The following TPD52L3 variants were observed in gnomAD, a reference collection of about 807,000 sequenced individuals.
TPD52L3 encodes the protein TPD52 like 3, also known as tumor protein D55.
TPD52L3 carries 12 observed loss-of-function variants against 8.7 expected under a neutral mutation model. The ratio of observed to expected loss-of-function variants is 1.38; its 90% CI spans 0.89 to 2.24. The LOEUF (loss-of-function observed/expected upper bound fraction) is 2.24, where lower values mean the gene tolerates loss of function less well. TPD52L3 is among the 30% of genes most tolerant of loss of function. TPD52L3 has a pLI of 0.00. For synonymous variants in TPD52L3, 79 were observed against 66.8 expected (o/e 1.18, Z -0.89); for missense variants, 207 against 158.7 (o/e 1.30, Z -1.64).
chr9:6,329,465 T>C, intron 1 of TPD52L3: 2 of 1,019,654 alleles, frequency 2.0e-6, no homozygotes, highest in Middle Eastern at 5.1e-4. Context: ...AGAGGGGTCT[T>C]AGGCCAAAGC....
Position 6,328,808 on chromosome 9 carries a change from G to C in TPD52L3, c.213G>C (p.Gly71=). ...AGTTAGGCCTCACCGCCTTGGTAGG[G>C]CTGAGACAGAATCTGTCCAAGAGCT... The part of the protein sequence containing the change: ...KRKLGLTALV[G]LRQNLSKSWL... The change falls in exon 1 of 2, where the codon GGG becomes GGC. Residue 71 remains glycine, a synonymous_variant. Transcript: ENST00000314556. 6.2e-7 allele frequency: 1 copy of C among 1,614,204 alleles called. No homozygotes were observed. Among genetic ancestry groups the C allele is most frequent in the Non-Finnish European group, 8.5e-7 (1 of 1,180,038 alleles).
chr9:6,330,839 C>A, intron 1 of TPD52L3, 137 bp from the exon 2 acceptor site: 1 of 1,447,566 alleles, frequency 6.9e-7, no homozygotes, highest in Non-Finnish European at 9.1e-7. Context: ...TATCATGGGC[C>A]AAACCTGAGA....
In TPD52L3 at chr9:6,329,296, C is replaced by A. The variant is rs1025454937; in HGVS notation, c.367+334C>A. 6.5e-6 allele frequency: 8 copies of A among 1,232,510 alleles called. No individual in the cohort carries two copies. The African/African-American group carries it at 1.2e-4, about 19-fold the overall frequency. 76.3% of individuals were successfully genotyped at this position (1,232,510 alleles called of 1,614,324 possible). A position where few individuals can be genotyped will look rare whatever the true frequency, so the allele number is the denominator to read the frequency against. On this transcript the variant is annotated intron_variant, in intron 1 of 1. Coordinates refer to ENST00000314556, the MANE Select transcript of TPD52L3 (RefSeq NM_001001874.3). Reference sequence around the variant, plus strand: ...TAAAGTGGTTAATTCAGGAAATTGACAGAATCCAGTTTTGAGAAAAGAACA... The same window carrying A: ...TAAAGTGGTTAATTCAGGAAATTGAAAGAATCCAGTTTTGAGAAAAGAACA...
Position 6,328,675 on chromosome 9 carries a change from C to G in TPD52L3, c.80C>G (p.Pro27Arg). ...STSELEDLTE[P>R]EQRELKTKLT... ...TCTGAACTGGAGGATCTGACAGAGC[C>G]CGAGCAAAGAGAGCTCAAAACCAAA... The change falls in exon 1 of 2, where the codon CCC becomes CGC. Residue 27 changes from proline (P) to arginine (R), a missense_variant. Pro to Arg is a moderately radical substitution (Grantham distance 103). Coordinates refer to ENST00000314556, the MANE Select transcript of TPD52L3 (RefSeq NM_001001874.3). 6.2e-7 allele frequency: 1 copy of G among 1,614,106 alleles called. No individual in the cohort carries two copies. Among genetic ancestry groups the G allele is most frequent in the Non-Finnish European group, 8.5e-7 (1 of 1,180,022 alleles).
rs891678830 is a variant in TPD52L3 at position 6,331,158 on chromosome 9, C to G, written c.*139C>G. ...CTGAGACCCTACTCTGTATCAAGAA[C>G]TGTCCCAGGTTCTGAAAGCATAGAA... On this transcript the variant is annotated 3_prime_UTR_variant, in exon 2 of 2. Transcript: ENST00000314556. The G allele has an allele frequency of 1.2e-6, 1 of 848,054 alleles. No homozygotes were observed. The highest frequency in any genetic ancestry group is 1.7e-5 in the African/African-American group (1 of 58,590). 52.5% of individuals were successfully genotyped at this position (848,054 alleles called of 1,614,324 possible).
At position 6,330,989 on chromosome 9, in the gene TPD52L3, T is replaced by C. The variant is rs765749522; in HGVS notation, c.381T>C (p.Asn127=). 1.9e-6 allele frequency: 3 copies of C among 1,612,872 alleles called. No individual in the cohort carries two copies. Among genetic ancestry groups the C allele is most frequent in the Admixed American group, 3.3e-5 (2 of 59,928 alleles). The part of the protein sequence containing the change: ...TFRSFEGLIF[N]KYTLNQGRN ...TTTCTGGCTTAGGATTGATCTTCAA[T>C]AAATACACGTTAAATCAAGGAAGGA... The change falls in exon 2 of 2, where the codon AAT becomes AAC. Residue 127 remains asparagine (N), a synonymous_variant. Coordinates refer to ENST00000314556, the MANE Select transcript of TPD52L3 (RefSeq NM_001001874.3).
intron 1 of TPD52L3, chr9:6,329,482 T>A: frequency 9.9e-7 from 1 of 1,011,890 alleles, no homozygotes; most frequent in Non-Finnish European, 1.2e-6. Flanking sequence ...AAGCCCAAAC[T>A]CTCTTTTGGA....
At chr9:6,330,284 C>G in intron 1 of TPD52L3, 3 of 1,578,262 alleles carry the variant, frequency 1.9e-6, no homozygotes, top group Non-Finnish European at 2.6e-6. Flanking sequence ...CTGATTTTCA[C>G]ACGAATATAC....
chr9:6,328,648 C>T lies in TPD52L3; in HGVS notation c.53C>T (p.Thr18Ile), dbSNP rs895075334. The stretch of plus-strand genomic sequence containing the variant: ...GTGGGCACATATGAATCCCACTCGA[C>T]TTCTGAACTGGAGGATCTGACAGAG... ...TSVGTYESHS[T>I]SELEDLTEPE... Residue 18 changes from threonine to isoleucine, a missense_variant, in exon 1 of 2, where the codon ACT becomes ATT. Coordinates refer to ENST00000314556, the MANE Select transcript of TPD52L3 (RefSeq NM_001001874.3). The T allele has an allele frequency of 3.1e-6, 5 of 1,614,074 alleles. No homozygotes were observed. Among genetic ancestry groups the T allele is most frequent in the Non-Finnish European group, 4.2e-6 (5 of 1,180,048 alleles).
At chr9:6,330,741 T>C in intron 1 of TPD52L3, 2 of 1,294,434 alleles carry the variant, frequency 1.5e-6, no homozygotes, top group Non-Finnish European at 2.0e-6. Flanking sequence ...GAGGTGAGCC[T>C]GCAGCATACA....
chr9:6,329,136 T>C, intron 1 of TPD52L3, 174 bp downstream of exon 1: 1 of 1,489,940 alleles, frequency 6.7e-7, no homozygotes, highest in Non-Finnish European at 8.9e-7. Context: ...AGAGTGAGGA[T>C]GACCATCTCC....
chr9:6,329,640 C>G lies in TPD52L3; in HGVS notation c.367+678C>G, dbSNP rs1818105082. 3 of 1,001,442 alleles carry G rather than the reference C, an allele frequency of 3.0e-6. No homozygotes were observed. The South Asian group carries it at 1.4e-4, about 47-fold the overall frequency. The allele number at this position is 1,001,442 out of a possible 1,614,324, so 62.0% of individuals were successfully genotyped here. A position where few individuals can be genotyped will look rare whatever the true frequency, so the allele number is the denominator to read the frequency against. ...AGTCTCAAAGTCACCTTGAAAGCTT[C>G]ACCTGGCCTACAACTTTTATTTTAA... On this transcript the variant is annotated intron_variant, in intron 1 of 1. Transcript: ENST00000314556.
chr9:6,328,937 G>T lies in TPD52L3; in HGVS notation c.342G>T (p.Lys114Asn), dbSNP rs761305884. Residue 114 changes from lysine to asparagine, a missense_variant, in exon 1 of 2, where the codon AAG (lysine) becomes AAT (asparagine). Transcript: ENST00000314556. ...GCAGGAAGCTTGGAGGCGTGAAGAA[G>T]TCGGCCACATTCAGATCTTTTGAAG... ...LICRKLGGVK[K>N]SATFRSFEGL... The T allele has an allele frequency of 1.2e-6, 2 of 1,614,174 alleles. No individual in the cohort carries two copies. Among genetic ancestry groups the T allele is most frequent in the Non-Finnish European group, 1.7e-6 (2 of 1,180,012 alleles).
At chr9:6,329,367 T>G in intron 1 of TPD52L3, 4 of 1,078,626 alleles carry the variant, frequency 3.7e-6, no homozygotes, top group Non-Finnish European at 4.5e-6. Flanking sequence ...GTTTTGTACC[T>G]GGTTATTTTT....
At position 6,328,466 on chromosome 9, in the gene TPD52L3, A is replaced by G. The variant is rs1284475961; in HGVS notation, c.-130A>G. 3 of 1,136,734 alleles carry G rather than the reference A, an allele frequency of 2.6e-6. No homozygotes were observed. The highest frequency in any genetic ancestry group is 3.7e-6 in the Non-Finnish European group (3 of 801,652). The allele number at this position is 1,136,734 out of a possible 1,614,324, so 70.4% of individuals were successfully genotyped here. A position where few individuals can be genotyped will look rare whatever the true frequency, so the allele number is the denominator to read the frequency against. The stretch of plus-strand genomic sequence containing the variant: ...GCCTGAAATCTGACTCCACCTGCCA[A>G]GAGTCTGAGCCTGCAGGCCTAGATT... On this transcript the variant is annotated 5_prime_UTR_variant, in exon 1 of 2. Coordinates refer to ENST00000314556, the MANE Select transcript of TPD52L3 (RefSeq NM_001001874.3).
chr9:6,328,918 A>C lies in TPD52L3; in HGVS notation c.323A>C (p.Lys108Thr), dbSNP rs1415381296. 1 of 1,614,084 alleles carries C rather than the reference A, an allele frequency of 6.2e-7. No individual in the cohort carries two copies. Residue 108 changes from lysine (K) to threonine (T), a missense_variant, in exon 1 of 2, where the codon AAG becomes ACG. Coordinates refer to ENST00000314556, the MANE Select transcript of TPD52L3 (RefSeq NM_001001874.3). Reference protein sequence around the residue: ...LSTMGTLICRKLGGVKKSATF... With the variant: ...LSTMGTLICRTLGGVKKSATF... ...ACCATGGGCACTCTCATCTGCAGGAAGCTTGGAGGCGTGAAGAAGTCGGCC... is the reference window on the plus strand; with the variant it reads ...ACCATGGGCACTCTCATCTGCAGGACGCTTGGAGGCGTGAAGAAGTCGGCC...
At position 6,331,866 on chromosome 9, in the gene TPD52L3, A is replaced by G. The variant is rs1818156801; in HGVS notation, c.*847A>G. On this transcript the variant is annotated 3_prime_UTR_variant, in exon 2 of 2. Transcript: ENST00000314556. ...TTGTATCAGTGGTCATGGGCACCAA[A>G]TAAAATGCTTCCATGAACATTTGGA... 1 of 152,208 alleles carries G rather than the reference A, an allele frequency of 6.6e-6. No homozygotes were observed. Among genetic ancestry groups the G allele is most frequent in the Non-Finnish European group, 1.5e-5 (1 of 68,050 alleles). The allele number at this position is 152,208 out of a possible 1,614,324, so 9.4% of individuals were successfully genotyped here.
In TPD52L3 at chr9:6,331,280, G is replaced by T. The variant is rs983093468; in HGVS notation, c.*261G>T. 3.0e-6 allele frequency: 1 copy of T among 329,008 alleles called. No individual in the cohort carries two copies. Among genetic ancestry groups the T allele is most frequent in the Non-Finnish European group, 5.6e-6 (1 of 180,094 alleles). The allele number at this position is 329,008 out of a possible 1,614,324, so 20.4% of individuals were successfully genotyped here. ...GAGCTGTGTGCCAGAGATAAAAGAAGTCCTGAGGAAGGGGTGTTCAACTCT... is the reference window on the plus strand; with the variant it reads ...GAGCTGTGTGCCAGAGATAAAAGAATTCCTGAGGAAGGGGTGTTCAACTCT... On this transcript the variant is annotated 3_prime_UTR_variant, in exon 2 of 2. Coordinates refer to ENST00000314556, the MANE Select transcript of TPD52L3 (RefSeq NM_001001874.3).
chr9:6,328,994 A>AG, intron 1 of TPD52L3, 32 bp downstream of exon 1: 1 of 1,614,034 alleles, frequency 6.2e-7, no homozygotes. Context: ...CCAAAGTCTC[A>AG]GGGGGCAAAA....
Sources: allele counts gnomAD v4.1 joint callset, GRCh38; gene constraint gnomAD v4.1.1; transcripts MANE v1.5; gene names NCBI Gene and HGNC (gene_info 2026-07-23, HGNC 2026-07-21).